Variants in SOS1 observed in about 807,000 individuals in gnomAD.
SOS1 encodes the protein SOS Ras/Rac guanine nucleotide exchange factor 1, also known as son of sevenless homolog 1.
A neutral mutation model predicts 157.6 loss-of-function variants in SOS1; 25 were observed. That is an observed-to-expected ratio of 0.16 (90% CI 0.12 to 0.22). The LOEUF is 0.22. SOS1 is among the 10% of genes least tolerant of loss of function. The pLI is 1.00. For synonymous variants in SOS1, 528 were observed against 534.0 expected (o/e 0.99, Z 0.16); for missense variants, 1,237 against 1,599.1 (o/e 0.77, Z 3.86).
intron 6 of SOS1, among the ~76,000 whole-genome samples, chr2:39,048,908 T>G (rs1049543085): frequency 6.6e-6 from 1 of 152,132 alleles, no homozygotes; most frequent in Admixed American, 6.5e-5. Context: ...AGATGTATAT[T>G]AAACCTCTCA....
intron 1 of SOS1, among the ~76,000 whole-genome samples, chr2:39,080,703 G>A (rs56048020): frequency 0.037 from 5,639 of 151,496 alleles, 143 homozygotes; most frequent in Non-Finnish European, 0.054. Context: ...AACTATAAAC[G>A]CGGTCCTGGT....
In SOS1 at chr2:39,000,119, G is replaced by A. The variant is rs150745400; in HGVS notation, c.2792-2694C>T. ...AGGAAATGGGGGCAGTGGGAATGAA[G>A]ACTCACAGCTTTGTTCTTGAAAGCA... On this transcript the variant is annotated intron_variant, in intron 17 of 22. Coordinates refer to ENST00000402219, the MANE Select transcript of SOS1 (RefSeq NM_005633.4). Among the ~76,000 whole-genome samples, 269 of 152,262 alleles carry A rather than the reference G, an allele frequency of 1.8e-3. 2 individuals carry two copies. Among genetic ancestry groups the A allele is most frequent in the African/African-American group, 5.9e-3 (247 of 41,538 alleles).
At chr2:39,004,243 G>A (rs1402085034) in intron 17 of SOS1, among the ~76,000 whole-genome samples, 2 of 151,882 alleles carry the variant, frequency 1.3e-5, no homozygotes, top group Non-Finnish European at 2.9e-5. Context: ...GTGAAACCCT[G>A]TCTCTACTAA....
intron 1 of SOS1, among the ~76,000 whole-genome samples, chr2:39,077,420 A>G (rs1672048109): frequency 6.6e-6 from 1 of 152,188 alleles, no homozygotes; most frequent in Admixed American, 6.5e-5. Flanking sequence ...GAAGTACCAT[A>G]ATATCTCAAG....
At chr2:39,021,206 C>T (rs1157456091) in intron 10 of SOS1, among the ~76,000 whole-genome samples, 1 of 151,466 alleles carries the variant, frequency 6.6e-6, no homozygotes, top group Non-Finnish European at 1.5e-5. Flanking sequence ...ACATTGTACA[C>T]ATTAAGGAAA....
At chr2:39,011,583 ATAATT>A (rs1470220274) in intron 14 of SOS1, among the ~76,000 whole-genome samples, 36 of 152,336 alleles carry the variant, frequency 2.4e-4, no homozygotes, top group African/African-American at 7.5e-4. Context: ...TAAAAAGTGA[ATAATT>A]TAAGATTCTA....
intron 1 of SOS1, among the ~76,000 whole-genome samples, chr2:39,074,821 C>G (rs937059815): frequency 6.7e-6 from 1 of 149,598 alleles, no homozygotes; most frequent in Non-Finnish European, 1.5e-5. Flanking sequence ...GAGCCAAGAT[C>G]GTGCCATTGC....
intron 19 of SOS1, among the ~76,000 whole-genome samples, 168 bp from the exon 20 acceptor site, chr2:38,995,555 T>G (rs1319490767): frequency 6.6e-6 from 1 of 152,210 alleles, no homozygotes; most frequent in Non-Finnish European, 1.5e-5. Flanking sequence ...TAACATTCTA[T>G]TTTGCTAAAG....
intron 6 of SOS1, among the ~76,000 whole-genome samples, chr2:39,044,834 G>A (rs1670696930): frequency 1.4e-5 from 2 of 147,566 alleles, no homozygotes; most frequent in African/African-American, 5.1e-5. Flanking sequence ...ACTGAGGGAT[G>A]ACTGTGTACA....
chr2:39,030,789 T>C (rs1670134411), intron 8 of SOS1, among the ~76,000 whole-genome samples: 1 of 152,156 alleles, frequency 6.6e-6, no homozygotes, highest in South Asian at 2.1e-4. Context: ...TTGGCAGATG[T>C]AATCAAGTTG....
chr2:39,035,646 T>C, intron 6 of SOS1, 146 bp from the exon 7 acceptor site: 1 of 657,994 alleles, frequency 1.5e-6, no homozygotes. Flanking sequence ...ATTATAATTT[T>C]AATAGAAGAG....
At chr2:39,038,113 CATAG>C (rs1185779286) in intron 6 of SOS1, among the ~76,000 whole-genome samples, 1 of 152,150 alleles carries the variant, frequency 6.6e-6, no homozygotes, top group African/African-American at 2.4e-5. Flanking sequence ...CTGTAACTGA[CATAG>C]ATAGTGATTC....
intron 1 of SOS1, among the ~76,000 whole-genome samples, chr2:39,111,857 A>G (rs79756054): frequency 0.11 from 17,278 of 151,582 alleles, 1,113 homozygotes; most frequent in East Asian, 0.21. Flanking sequence ...AGCCTCCCGA[A>G]CAGCTGGGAC....
At chr2:39,028,444 T>C (rs1010487916) in intron 8 of SOS1, among the ~76,000 whole-genome samples, 2 of 152,182 alleles carry the variant, frequency 1.3e-5, no homozygotes, top group Non-Finnish European at 2.9e-5. Flanking sequence ...CTCACAATCA[T>C]ATAATGGCTT....
In SOS1 at chr2:39,026,309, C is replaced by T. The variant is rs139499755; in HGVS notation, c.1075-2172G>A. Among the ~76,000 whole-genome samples the T allele has an allele frequency of 2.4e-3, 357 of 147,474 alleles. 5 individuals are homozygous for T. The highest frequency in any genetic ancestry group is 0.018 in the Admixed American group (273 of 14,880). ...GTCAGAGGTTGCAGTGAGCCGTGAT[C>T]GTGCCACTGCACTCCAGCCTGGGCA... On this transcript the variant is annotated intron_variant, in intron 8 of 22. Coordinates refer to ENST00000402219, the MANE Select transcript of SOS1 (RefSeq NM_005633.4).
At chr2:39,101,635 T>C (rs573585813) in intron 1 of SOS1, among the ~76,000 whole-genome samples, 1 of 152,184 alleles carries the variant, frequency 6.6e-6, no homozygotes, top group East Asian at 1.9e-4. Context: ...TATAAGGAAA[T>C]GTTTAAAATA....
At chr2:39,059,986 C>T (rs1572861618) in intron 2 of SOS1, among the ~76,000 whole-genome samples, 1 of 152,118 alleles carries the variant, frequency 6.6e-6, no homozygotes, top group East Asian at 1.9e-4. Context: ...CAGCCTCATG[C>T]AGTAAAACGC....
intron 17 of SOS1, among the ~76,000 whole-genome samples, chr2:39,005,941 G>C (rs142883664): frequency 1.6e-4 from 24 of 152,162 alleles, no homozygotes; most frequent in Middle Eastern, 3.4e-3. Context: ...GTCCTAAAAA[G>C]GAAGGAAAAG....
At chr2:39,100,561 G>GA (rs1672930179) in intron 1 of SOS1, among the ~76,000 whole-genome samples, 1 of 152,162 alleles carries the variant, frequency 6.6e-6, no homozygotes, top group Non-Finnish European at 1.5e-5. Flanking sequence ...GCCAGACACT[G>GA]AAAGAAAATA....
Sources: allele counts gnomAD v4.1 joint callset (sites outside exome capture counted in the v4.1 genomes callset), GRCh38; gene constraint gnomAD v4.1.1; transcripts MANE v1.5; gene names NCBI Gene and HGNC (gene_info 2026-07-23, HGNC 2026-07-21).